The following ANO2 variants were observed in gnomAD, a reference collection of about 807,000 sequenced individuals.
The protein encoded by ANO2 is anoctamin-2.
Under a neutral mutation model 124.2 loss-of-function variants are expected in ANO2, and 101 were observed. That is an observed-to-expected ratio of 0.81 (90% CI 0.69 to 0.96). ANO2 has a LOEUF of 0.96. Among genes scored for constraint, ANO2 ranks in the 40% least tolerant of loss-of-function variants. The probability of loss-of-function intolerance (pLI) is 0.00; values close to 1 mark genes in which losing one functional copy is unlikely to be tolerated. For missense variants in ANO2, 1,293 were observed against 1,274.5 expected, an observed-to-expected ratio of 1.01 and a Z score of -0.22; for synonymous variants, 486 against 482.5, an observed-to-expected ratio of 1.01 and a Z score of -0.09.
At chr12:5,727,707 G>A (rs377022817) in intron 14 of ANO2, among the ~76,000 whole-genome samples, 1 of 144,764 alleles carries the variant, frequency 6.9e-6, no homozygotes, top group Non-Finnish European at 1.5e-5. Flanking sequence ...GCGCAGTCTC[G>A]GCTCACTGCC....
At chr12:5,568,025 C>T (rs903815125) in intron 23 of ANO2, among the ~76,000 whole-genome samples, 2 of 152,012 alleles carry the variant, frequency 1.3e-5, no homozygotes, top group Non-Finnish European at 2.9e-5. Context: ...CATTCATGCA[C>T]ATACACAGAC....
At chr12:5,603,886 A>G (rs1385880462) in intron 19 of ANO2, among the ~76,000 whole-genome samples, 1 of 135,488 alleles carries the variant, frequency 7.4e-6, no homozygotes, top group Non-Finnish European at 1.5e-5. Flanking sequence ...CGGAGGTTGC[A>G]GTGAGCTGAG....
intron 14 of ANO2, among the ~76,000 whole-genome samples, chr12:5,717,997 G>A (rs1950085172): frequency 6.6e-6 from 1 of 152,212 alleles, no homozygotes. Context: ...TGGAGAATCA[G>A]TAAGGAAACC....
chr12:5,905,928 C>T (rs542861728), intron 3 of ANO2, among the ~76,000 whole-genome samples: 1 of 152,300 alleles, frequency 6.6e-6, no homozygotes, highest in African/African-American at 2.4e-5. Flanking sequence ...CCTTCTCTCC[C>T]CTATCCCTTC....
rs1005611081 is a variant in ANO2, at chr12:5,862,348, C to T, written c.535-8207G>A. On this transcript the variant is annotated intron_variant, in intron 3 of 24. Transcript: ENST00000682330. The surrounding 1 kb of genome is among the most constrained non-coding windows in gnomAD (Gnocchi z 4.0). The stretch of plus-strand genomic sequence containing the variant: ...TTCCTTCTTATGGAAAAGACTTCAC[C>T]TGGTTCCCAACCAACGACCAGGGAC... Among the ~76,000 whole-genome samples, 1 of 152,206 alleles carries T rather than the reference C, an allele frequency of 6.6e-6. No individual in the cohort carries two copies. The highest frequency in any genetic ancestry group is 1.5e-5 in the Non-Finnish European group (1 of 68,028).
chr12:5,832,499 G>A lies in ANO2; in HGVS notation c.738C>T (p.Asn246=). The change falls in exon 5 of 25, where the codon AAC becomes AAT. Residue 246 remains asparagine (N), a synonymous_variant. Transcript: ENST00000682330. ...LQPRVPEHSN[N]KMKNLSYPFS... Reference sequence around the variant, plus strand: ...ATGGGTAGGAGAGGTTTTTCATCTTGTTGTTGCTGTGTTCTGGAACTCGGG... The same window carrying A: ...ATGGGTAGGAGAGGTTTTTCATCTTATTGTTGCTGTGTTCTGGAACTCGGG... The A allele has an allele frequency of 6.2e-7, 1 of 1,613,862 alleles. No homozygotes were observed. Among genetic ancestry groups the A allele is most frequent in the Non-Finnish European group, 8.5e-7 (1 of 1,179,828 alleles).
intron 14 of ANO2, among the ~76,000 whole-genome samples, chr12:5,713,870 AC>A (rs1267579815): frequency 1.3e-5 from 2 of 152,122 alleles, no homozygotes; most frequent in Admixed American, 1.3e-4. Flanking sequence ...TCCCCTCAGG[AC>A]TCAGCTGGCC....
At chr12:5,920,682 G>GTA (rs1941647759) in intron 3 of ANO2, among the ~76,000 whole-genome samples, 1 of 152,014 alleles carries the variant, frequency 6.6e-6, no homozygotes, top group Non-Finnish European at 1.5e-5. Context: ...TGGCTAACAC[G>GTA]GTGAAACCCC....
intron 16 of ANO2, among the ~76,000 whole-genome samples, chr12:5,634,074 C>T (rs374469139): frequency 1.3e-5 from 2 of 152,176 alleles, no homozygotes; most frequent in Non-Finnish European, 2.9e-5. Context: ...AATTAAAATT[C>T]TCTGCTTATT....
chr12:5,717,749 T>C (rs1056082548), intron 14 of ANO2, among the ~76,000 whole-genome samples: 1 of 152,204 alleles, frequency 6.6e-6, no homozygotes, highest in Non-Finnish European at 1.5e-5. Flanking sequence ...ATTGATCTGA[T>C]CTTGGATGTT....
At position 5,812,390 on chromosome 12, in the gene ANO2, GGGAA is replaced by G. The variant is rs199808116; in HGVS notation, c.893-5026_893-5023del. On this transcript the variant is annotated intron_variant, in intron 7 of 24. Coordinates refer to ENST00000682330, the MANE Select transcript of ANO2 (RefSeq NM_001364791.2). Reference sequence around the variant, plus strand: ...GAAAGAAAAAGAAAGAAAGAAAGAAGGGAAGGAAGGAAGGAGGGAGGGAGGGCAG... The same window carrying G: ...GAAAGAAAAAGAAAGAAAGAAAGAAGGGAAGGAAGGAGGGAGGGAGGGCAG... Among the ~76,000 whole-genome samples, 266 of 125,696 alleles carry G rather than the reference GGGAA, an allele frequency of 2.1e-3. 4 individuals carry two copies. The highest frequency in any genetic ancestry group is 7.4e-3 in the African/African-American group (237 of 32,036). 82.5% of individuals were successfully genotyped at this position (125,696 alleles called of 152,430 possible).
At chr12:5,775,964 C>T (rs900041306) in intron 10 of ANO2, among the ~76,000 whole-genome samples, 1 of 152,198 alleles carries the variant, frequency 6.6e-6, no homozygotes, top group African/African-American at 2.4e-5. Context: ...CCAACACCAG[C>T]TAAAACCCAT....
chr12:5,678,931 T>C (rs1197282391), intron 14 of ANO2, among the ~76,000 whole-genome samples: 1 of 152,186 alleles, frequency 6.6e-6, no homozygotes. Flanking sequence ...GGATCTACAT[T>C]TAGGTTCAGA....
At chr12:5,939,222 A>AAAC (rs1347104766) in intron 1 of ANO2, among the ~76,000 whole-genome samples, 1 of 151,374 alleles carries the variant, frequency 6.6e-6, no homozygotes, top group African/African-American at 2.4e-5. Flanking sequence ...ACAAAAAAAA[A>AAAC]AAAAAAAAAA....
intron 4 of ANO2, among the ~76,000 whole-genome samples, chr12:5,853,284 G>A (rs913115978): frequency 1.1e-4 from 16 of 149,898 alleles, no homozygotes; most frequent in Non-Finnish European, 2.1e-4. Context: ...TTACAGGTGT[G>A]AGCCACCGTT....
chr12:5,570,130 G>C (rs998952760), intron 23 of ANO2, among the ~76,000 whole-genome samples: 1 of 152,130 alleles, frequency 6.6e-6, no homozygotes, highest in Non-Finnish European at 1.5e-5. Context: ...ATTTTATCTA[G>C]ATTGTTCTAA....
intron 3 of ANO2, among the ~76,000 whole-genome samples, chr12:5,909,967 G>A (rs1565770997): frequency 6.6e-6 from 1 of 152,144 alleles, no homozygotes. Flanking sequence ...ATTATCCGAG[G>A]CAACAAGGAG....
At chr12:5,661,493 T>A (rs949902059) in intron 14 of ANO2, among the ~76,000 whole-genome samples, 2 of 152,154 alleles carry the variant, frequency 1.3e-5, no homozygotes, top group Non-Finnish European at 2.9e-5. Flanking sequence ...AAGGGGTGCC[T>A]ATAGCTTACT....
rs1377947992 is a variant in ANO2, at chr12:5,658,891, T to C, written c.1546-11090A>G. ...ATCATCATCAACATCATTATCATCA[T>C]TAAAATCATCATCAGCAACAGCAGC... On this transcript the variant is annotated intron_variant, in intron 14 of 24. Coordinates refer to ENST00000682330, the MANE Select transcript of ANO2 (RefSeq NM_001364791.2). The surrounding 1 kb of genome is among the most constrained non-coding windows in gnomAD (Gnocchi z 4.3). 1.3e-5 allele frequency among the ~76,000 whole-genome samples: 2 copies of C among 152,180 alleles called. No homozygotes were observed. Among genetic ancestry groups the C allele is most frequent in the Non-Finnish European group, 1.5e-5 (1 of 68,038 alleles).
Sources: allele counts gnomAD v4.1 joint callset (sites outside exome capture counted in the v4.1 genomes callset), GRCh38; gene constraint gnomAD v4.1.1; non-coding constraint Gnocchi (gnomAD v3.1); transcripts MANE v1.5; gene names NCBI Gene and HGNC (gene_info 2026-07-23, HGNC 2026-07-21).